The following RABEPK variants were observed in gnomAD, a reference collection of about 807,000 sequenced individuals.
RABEPK encodes the protein Rab9 effector protein with kelch motifs, also known as 40 kDa Rab9 effector protein.
A neutral mutation model predicts 34.1 loss-of-function variants in RABEPK; 27 were observed. That is an observed-to-expected ratio of 0.79 (90% CI 0.58 to 1.09). The LOEUF (loss-of-function observed/expected upper bound fraction) is 1.09. RABEPK is among the 50% of genes least tolerant of loss of function. The pLI is 0.00. For synonymous variants in RABEPK, 172 were observed against 169.2 expected (o/e 1.02, Z -0.13); for missense variants, 449 against 462.6 (o/e 0.97, Z 0.27).
chr9:125,215,253 C>CA (rs1464544736), intron 4 of RABEPK, among the ~76,000 whole-genome samples: 1 of 146,472 alleles, frequency 6.8e-6, no homozygotes, highest in Non-Finnish European at 1.5e-5. Flanking sequence ...TTATTAATAA[C>CA]AATGCTTTGT....
At chr9:125,222,806 C>A (rs1405574529) in intron 5 of RABEPK, among the ~76,000 whole-genome samples, 1 of 150,710 alleles carries the variant, frequency 6.6e-6, no homozygotes, top group Non-Finnish European at 1.5e-5. Context: ...TCCATGCAAT[C>A]AGAAAGTCTT....
intron 5 of RABEPK, among the ~76,000 whole-genome samples, chr9:125,226,338 A>G (rs1210603594): frequency 6.6e-6 from 1 of 152,016 alleles, no homozygotes; most frequent in African/African-American, 2.4e-5. Context: ...CAAAAAAAAA[A>G]AAAAAGTTGA....
At position 125,203,031 on chromosome 9, in the gene RABEPK, C is replaced by T. The variant is rs766771231; in HGVS notation, c.18C>T (p.Val6=). Residue 6 remains valine (V), a synonymous_variant, in exon 2 of 8, where the codon GTC becomes GTT. Transcript: ENST00000373538. ...AGGACACCATGAAGCAACTGCCAGT[C>T]TTGGAACCTGGAGACAAGCCCAGGA... MKQLP[V]LEPGDKPRKA... 1.2e-6 allele frequency: 2 copies of T among 1,613,728 alleles called. No homozygotes were observed. The highest frequency in any genetic ancestry group is 1.7e-6 in the Non-Finnish European group (2 of 1,179,786).
chr9:125,228,641 A>G (rs950760139), intron 6 of RABEPK, among the ~76,000 whole-genome samples: 2 of 150,250 alleles, frequency 1.3e-5, no homozygotes, highest in Non-Finnish European at 3.0e-5. Flanking sequence ...CCTGGGCCAC[A>G]GAGCAAGACT....
intron 3 of RABEPK, among the ~76,000 whole-genome samples, chr9:125,211,968 CA>C (rs1009703533): frequency 1.5e-3 from 204 of 136,062 alleles, no homozygotes; most frequent in Non-Finnish European, 1.4e-3. Context: ...GACTCCATCT[CA>C]AAAAAAAAAA....
chr9:125,220,386 T>C, intron 4 of RABEPK, 153 bp from the exon 5 acceptor site: 1 of 1,467,000 alleles, frequency 6.8e-7, no homozygotes, highest in Non-Finnish European at 9.0e-7. Context: ...TCTTCATTCT[T>C]CCTTGATGTT....
chr9:125,214,062 C>T (rs1830758627), intron 4 of RABEPK, among the ~76,000 whole-genome samples: 1 of 151,554 alleles, frequency 6.6e-6, no homozygotes, highest in Admixed American at 6.6e-5. Context: ...GCGGAGATTG[C>T]AGTGAGCTGG....
intron 4 of RABEPK, among the ~76,000 whole-genome samples, chr9:125,216,290 G>A (rs1484775832): frequency 6.6e-6 from 1 of 151,972 alleles, no homozygotes; most frequent in African/African-American, 2.4e-5. Context: ...TCTCAAAAAA[G>A]CATTTTTTGA....
intron 3 of RABEPK, among the ~76,000 whole-genome samples, chr9:125,208,356 A>G (rs1830373431): frequency 6.6e-6 from 1 of 151,856 alleles, no homozygotes. Flanking sequence ...AGCCCTACAT[A>G]TCTCTTTTCT....
At chr9:125,207,089 T>TA (rs80221176) in intron 2 of RABEPK, among the ~76,000 whole-genome samples, 17,092 of 132,986 alleles carry the variant, frequency 0.13, 1,233 homozygotes, top group East Asian at 0.24. Context: ...AACTCCATCT[T>TA]AAAAAAAAAA....
In RABEPK at chr9:125,207,606, T is replaced by A. The variant is rs532374642; in HGVS notation, c.96T>A (p.Val32=). The change falls in exon 3 of 8, where the codon GTT becomes GTA. Residue 32 remains valine (V), a synonymous_variant. Coordinates refer to ENST00000373538, the MANE Select transcript of RABEPK (RefSeq NM_005833.4). ...CTGGAGACAGCCCCTGTGCTCGAGT[T>A]GGCCACAGCTGTTCATATTTACCCC... ...TVPGDSPCAR[V]GHSCSYLPPV... is the part of the protein sequence containing the mutation. 5 of 1,614,136 alleles carry A rather than the reference T, an allele frequency of 3.1e-6. No individual in the cohort carries two copies. The Admixed American group carries it at 5.0e-5, about 16-fold the overall frequency.
chr9:125,204,539 C>A (rs1830098400), intron 2 of RABEPK, among the ~76,000 whole-genome samples: 1 of 152,176 alleles, frequency 6.6e-6, no homozygotes, highest in Non-Finnish European at 1.5e-5. Context: ...CGAGATGGTG[C>A]CACTGCACTC....
intron 2 of RABEPK, among the ~76,000 whole-genome samples, chr9:125,204,161 T>A (rs758710409): frequency 6.6e-6 from 1 of 150,518 alleles, no homozygotes; most frequent in Non-Finnish European, 1.5e-5. Context: ...GGTGAAACCC[T>A]GTCTCTACTA....
intron 5 of RABEPK, among the ~76,000 whole-genome samples, chr9:125,227,171 AAAT>A (rs910199382): frequency 5.9e-5 from 9 of 151,768 alleles, no homozygotes; most frequent in Non-Finnish European, 5.9e-5. Context: ...ACTTTGTCTC[AAAT>A]AATAATAATA....
intron 5 of RABEPK, among the ~76,000 whole-genome samples, chr9:125,222,713 CAAAAA>C (rs756826019): frequency 4.1e-5 from 2 of 48,376 alleles, no homozygotes; most frequent in Middle Eastern, 0.011. Context: ...GACTCTGTAT[CAAAAA>C]AAAAAAAAAA....
chr9:125,217,661 C>G (rs954066889), intron 4 of RABEPK, among the ~76,000 whole-genome samples: 71 of 152,234 alleles, frequency 4.7e-4, no homozygotes, highest in African/African-American at 1.6e-3. Context: ...GAAATATGTA[C>G]TTAGTTGCAT....
chr9:125,232,477 CCT>C, intron 6 of RABEPK, 117 bp from the exon 7 acceptor site: 2 of 1,175,732 alleles, frequency 1.7e-6, no homozygotes, highest in Middle Eastern at 5.6e-4. Context: ...GTGCACTAAA[CCT>C]CTCAGAGCTC....
At chr9:125,224,963 A>G (rs577818140) in intron 5 of RABEPK, among the ~76,000 whole-genome samples, 35 of 152,228 alleles carry the variant, frequency 2.3e-4, no homozygotes, top group African/African-American at 6.0e-4. Context: ...CAGCAAATCA[A>G]TTAAGTCTAG....
Position 125,234,092 on chromosome 9 carries a change from CTTTG to C in RABEPK, c.*113_*116del. 3.5e-6 allele frequency: 4 copies of C among 1,140,854 alleles called. No individual in the cohort carries two copies. The highest frequency in any genetic ancestry group is 3.8e-6 in the Non-Finnish European group (3 of 794,396). 70.7% of individuals were successfully genotyped at this position (1,140,854 alleles called of 1,614,324 possible). ...GCATTATATATCTGTTTTTCTCCTACTTTGGTAGGTGAAGAAACTAATGCAAATA... is the reference window on the plus strand; with the variant it reads ...GCATTATATATCTGTTTTTCTCCTACGTAGGTGAAGAAACTAATGCAAATA... On this transcript the variant is annotated 3_prime_UTR_variant, in exon 8 of 8. Coordinates refer to ENST00000373538, the MANE Select transcript of RABEPK (RefSeq NM_005833.4).
Sources: gnomAD v4.1 joint callset for allele counts (sites outside exome capture counted in the v4.1 genomes callset) on GRCh38, gnomAD v4.1.1 for gene constraint, MANE v1.5 for transcripts, NCBI Gene and HGNC (gene_info 2026-07-23, HGNC 2026-07-21) for gene names.